The following PLD5 variants were observed in gnomAD, a reference collection of about 807,000 sequenced individuals.
PLD5 encodes the protein phospholipase D family member 5.
PLD5 carries 36 observed loss-of-function variants against 61.1 expected under a neutral mutation model. That is an observed-to-expected ratio of 0.59 (90% CI 0.45 to 0.78). The LOEUF (loss-of-function observed/expected upper bound fraction) is 0.78, where lower values mean the gene tolerates loss of function less well. PLD5 is among the 30% of genes least tolerant of loss of function. PLD5 has a pLI of 0.00. For missense variants in PLD5, 515 were observed against 644.4 expected, an observed-to-expected ratio of 0.80 and a Z score of 2.17; for synonymous variants, 243 against 242.8, an observed-to-expected ratio of 1.00 and a Z score of -0.01.
chr1:242,202,144 G>A (rs1203131240), intron 5 of PLD5, among the ~76,000 whole-genome samples: 3 of 152,150 alleles, frequency 2.0e-5, no homozygotes, highest in African/African-American at 4.8e-5. Flanking sequence ...AACCCAGCAG[G>A]TGGAGGTTCA....
At chr1:242,171,515 T>C (rs1366892208) in intron 5 of PLD5, among the ~76,000 whole-genome samples, 1 of 152,060 alleles carries the variant, frequency 6.6e-6, no homozygotes, top group African/African-American at 2.4e-5. Flanking sequence ...AGCATCACAA[T>C]GACAGGATCA....
chr1:242,117,377 C>T (rs1662025098), intron 6 of PLD5, among the ~76,000 whole-genome samples: 3 of 108,162 alleles, frequency 2.8e-5, no homozygotes, highest in South Asian at 3.6e-4. Context: ...AATGTGATCT[C>T]CTCCATGAAT....
intron 1 of PLD5, among the ~76,000 whole-genome samples, chr1:242,351,263 T>G (rs1421446419): frequency 6.6e-6 from 1 of 152,066 alleles, no homozygotes; most frequent in Non-Finnish European, 1.5e-5. Context: ...CCCTAACAAA[T>G]AGAAGGTGTT....
chr1:242,226,369 T>A (rs1670944790), intron 4 of PLD5, among the ~76,000 whole-genome samples: 1 of 152,180 alleles, frequency 6.6e-6, no homozygotes, highest in Non-Finnish European at 1.5e-5. Context: ...TCTCTGCAGA[T>A]CCTCCTACTT....
intron 1 of PLD5, among the ~76,000 whole-genome samples, chr1:242,430,937 C>T (rs1034554007): frequency 2.6e-5 from 4 of 152,116 alleles, no homozygotes; most frequent in African/African-American, 9.7e-5. Flanking sequence ...GTTCTGTCAA[C>T]GTTTAGTTTT....
At chr1:242,502,674 T>C (rs1668592252) in intron 1 of PLD5, among the ~76,000 whole-genome samples, 1 of 151,758 alleles carries the variant, frequency 6.6e-6, no homozygotes, top group Non-Finnish European at 1.5e-5. Flanking sequence ...TGTATGTGCG[T>C]GTGTGTGTGT....
intron 2 of PLD5, among the ~76,000 whole-genome samples, chr1:242,322,093 T>C (rs1490750556): frequency 2.0e-5 from 3 of 152,178 alleles, no homozygotes; most frequent in African/African-American, 7.2e-5. Context: ...TTGGTTACCT[T>C]GGGAAGTGTC....
In PLD5 at chr1:242,323,479, A is replaced by G. The variant is rs138687201; in HGVS notation, c.326+24627T>C. Among the ~76,000 whole-genome samples the G allele has an allele frequency of 5.7e-3, 868 of 152,318 alleles. 6 individuals carry two copies. The highest frequency in any genetic ancestry group is 0.02 in the African/African-American group (821 of 41,562). ...TTTTAAAACAGAAATCCCTTCCAAG[A>G]ATTGCTCCCAAAATACATGCAGGTT... is the stretch of plus-strand genomic sequence containing the variant. On this transcript the variant is annotated intron_variant, in intron 2 of 9. Transcript: ENST00000536534.
chr1:242,368,147 A>C (rs956804509), intron 1 of PLD5, among the ~76,000 whole-genome samples: 1 of 152,204 alleles, frequency 6.6e-6, no homozygotes, highest in South Asian at 2.1e-4. Context: ...AGAAATGGCC[A>C]ACCTCTAACA....
chr1:242,477,760 T>C (rs1299723271), intron 1 of PLD5, among the ~76,000 whole-genome samples: 1 of 151,702 alleles, frequency 6.6e-6, no homozygotes, highest in African/African-American at 2.4e-5. Flanking sequence ...AAGCAAAGAG[T>C]GGTGCTGGAG....
intron 5 of PLD5, among the ~76,000 whole-genome samples, chr1:242,160,879 C>A (rs1192766112): frequency 3.3e-5 from 5 of 151,642 alleles, no homozygotes; most frequent in Admixed American, 1.3e-4. Context: ...AGTGAGAATC[C>A]ATCTCAAAAA....
chr1:242,501,358 G>A (rs1276281094), intron 1 of PLD5, among the ~76,000 whole-genome samples: 1 of 152,174 alleles, frequency 6.6e-6, no homozygotes, highest in African/African-American at 2.4e-5. Context: ...TCTGAGTACA[G>A]GACACACTTC....
chr1:242,090,251 T>C, intron 9 of PLD5, 141 bp from the exon 10 acceptor site: 1 of 1,114,808 alleles, frequency 9.0e-7, no homozygotes, highest in East Asian at 2.6e-5. Context: ...TGTTGACAGC[T>C]CCGAAAAAAA....
intron 5 of PLD5, among the ~76,000 whole-genome samples, chr1:242,186,820 T>C (rs1307952178): frequency 6.6e-6 from 1 of 152,216 alleles, no homozygotes; most frequent in Non-Finnish European, 1.5e-5. Flanking sequence ...TCTGAACTCA[T>C]GGTTTTCTGA....
At chr1:242,267,726 A>T (rs1327591926) in intron 3 of PLD5, among the ~76,000 whole-genome samples, 1 of 138,210 alleles carries the variant, frequency 7.2e-6, no homozygotes. Context: ...CAAAAAGTTA[A>T]AAAAAAAAAA....
At chr1:242,312,148 T>C (rs1161940452) in intron 2 of PLD5, among the ~76,000 whole-genome samples, 1 of 151,908 alleles carries the variant, frequency 6.6e-6, no homozygotes, top group African/African-American at 2.4e-5. Flanking sequence ...TTTAAGAGAG[T>C]GGTTTTAAAG....
chr1:242,357,295 G>C (rs1007578503), intron 1 of PLD5, among the ~76,000 whole-genome samples: 1 of 150,288 alleles, frequency 6.7e-6, no homozygotes, highest in African/African-American at 2.4e-5. Flanking sequence ...GTCTACCGAT[G>C]ATTGTATTGA....
intron 1 of PLD5, among the ~76,000 whole-genome samples, chr1:242,445,098 G>C (rs1006258780): frequency 6.6e-6 from 1 of 152,108 alleles, no homozygotes; most frequent in Non-Finnish European, 1.5e-5. Context: ...CTAATCCCCA[G>C]TGTGATAGTA....
chr1:242,264,003 C>T (rs1266606890), intron 4 of PLD5, among the ~76,000 whole-genome samples: 2 of 152,078 alleles, frequency 1.3e-5, no homozygotes, highest in Non-Finnish European at 2.9e-5. Context: ...AACACATCAG[C>T]TTTTTATCCT....
Sources: gnomAD v4.1 joint callset for allele counts (sites outside exome capture counted in the v4.1 genomes callset) on GRCh38, gnomAD v4.1.1 for gene constraint, MANE v1.5 for transcripts, NCBI Gene and HGNC (gene_info 2026-07-23, HGNC 2026-07-21) for gene names.